Variants in PRCD observed in about 807,000 individuals in gnomAD.
PRCD encodes photoreceptor disc component, also known as photoreceptor disk component PRCD.
Under a neutral mutation model 10.1 loss-of-function variants are expected in PRCD, and 12 were observed. The ratio of observed to expected loss-of-function variants is 1.18; its 90% CI spans 0.76 to 1.92. The LOEUF (loss-of-function observed/expected upper bound fraction) is 1.92, where lower values mean the gene tolerates loss of function less well. Ranked by LOEUF, PRCD falls within the 40% of genes most tolerant of loss-of-function variation. The probability of loss-of-function intolerance (pLI) is 0.00; values close to 1 mark genes in which losing one functional copy is unlikely to be tolerated. For synonymous variants in PRCD, 31 were observed against 26.2 expected, an observed-to-expected ratio of 1.18 and a Z score of -0.56; for missense variants, 61 against 72.2, an observed-to-expected ratio of 0.84 and a Z score of 0.56.
rs951084606 is a variant in PRCD at position 76,530,101 on chromosome 17, T to C, written n.45+2268T>C. On this transcript the variant is annotated intron_variant and non_coding_transcript_variant, in intron 1 of 4. Coordinates refer to the PRCD transcript ENST00000397633. This position sits in a 1 kb window ranked among gnomAD's most constrained non-coding sequence, Gnocchi z 6.1. Reference sequence around the variant, plus strand: ...CGCCGCCTTTTCCATGGGAAACTGCTGGGAATGTTTCTCTACCACGGGAAT... The same window carrying C: ...CGCCGCCTTTTCCATGGGAAACTGCCGGGAATGTTTCTCTACCACGGGAAT... 2.0e-6 allele frequency: 2 copies of C among 983,102 alleles called. No individual in the cohort carries two copies. Among genetic ancestry groups the C allele is most frequent in the Non-Finnish European group, 2.4e-6 (2 of 827,940 alleles). 60.9% of individuals were successfully genotyped at this position (983,102 alleles called of 1,614,324 possible).
intron 1 of PRCD, chr17:76,529,673 C>A: frequency 1.0e-6 from 1 of 985,404 alleles, no homozygotes; most frequent in Non-Finnish European, 1.2e-6. Flanking sequence ...GCCCCCTCCC[C>A]TCCTCTTCCC....
rs769134763 is a variant in PRCD at position 76,540,261 on chromosome 17, G to A, written c.74+46G>A. On this transcript the variant is annotated intron_variant, in intron 1 of 4. Coordinates refer to ENST00000592014, the MANE Select transcript of PRCD (RefSeq NM_001077620.3). The surrounding 1 kb of genome is among the most constrained non-coding windows in gnomAD (Gnocchi z 5.0). ...TGGCTGGCGGTTGGTCGGGGGGGGGGGGCATGGGGCTGGGCTGCCACCAAG... is the reference window on the plus strand; with the variant it reads ...TGGCTGGCGGTTGGTCGGGGGGGGGAGGCATGGGGCTGGGCTGCCACCAAG... The A allele has an allele frequency of 3.6e-6, 3 of 826,466 alleles. No individual in the cohort carries two copies. Among genetic ancestry groups the A allele is most frequent in the Non-Finnish European group, 6.0e-6 (3 of 498,394 alleles). The allele number at this position is 826,466 out of a possible 1,614,324, so 51.2% of individuals were successfully genotyped here. A position where few individuals can be genotyped will look rare whatever the true frequency, so the allele number is the denominator to read the frequency against.
At chr17:76,534,146 T>C (rs140767669) in intron 1 of PRCD, among the ~76,000 whole-genome samples, 4,115 of 128,706 alleles carry the variant, frequency 0.032, 113 homozygotes, top group Non-Finnish European at 0.048. Context: ...CTCTTTCTCT[T>C]TCTCTCTCTC....
intron 1 of PRCD, chr17:76,529,225 G>A: frequency 1.0e-6 from 1 of 985,456 alleles, no homozygotes; most frequent in African/African-American, 1.7e-5. Context: ...GCAGCAGGGA[G>A]GCTCTGCAGG....
chr17:76,542,442 C>T, intron 2 of PRCD, 111 bp from the exon 3 acceptor site: 1 of 1,255,396 alleles, frequency 8.0e-7, no homozygotes, highest in Non-Finnish European at 1.2e-6. Flanking sequence ...GTGGTCCTGC[C>T]CCTCAATATT....
At chr17:76,547,662 C>T (rs868619063), downstream of PRCD, among the ~76,000 whole-genome samples, 292 of 133,782 alleles carry the variant, frequency 2.2e-3, 1 homozygote, top group Non-Finnish European at 3.0e-3. Context: ...CACACACACA[C>T]ATATTCACAC....
At chr17:76,547,830 AC>A (rs2075068089), downstream of PRCD, among the ~76,000 whole-genome samples, 1 of 137,710 alleles carries the variant, frequency 7.3e-6, no homozygotes, top group African/African-American at 3.3e-5. Flanking sequence ...ACACACACAC[AC>A]AACACACATT....
Position 76,528,418 on chromosome 17 carries a change from CA to C in PRCD, n.45+586del, listed in dbSNP as rs751049284. ...AGCCAGCGCCGCCTCCCAGCAGCTC[CA>C]GGGGGGGACCCTGGCCGCCACAGAG... On this transcript the variant is annotated intron_variant and non_coding_transcript_variant, in intron 1 of 4. Transcript: ENST00000397633. This position sits in a 1 kb window ranked among gnomAD's most constrained non-coding sequence, Gnocchi z 5.8. 57 of 641,040 alleles carry C rather than the reference CA, an allele frequency of 8.9e-5. No individual in the cohort carries two copies. The highest frequency in any genetic ancestry group is 9.4e-5 in the African/African-American group (5 of 53,190). 39.7% of individuals were successfully genotyped at this position (641,040 alleles called of 1,614,324 possible).
rs1029957409 is a variant in PRCD at position 76,533,777 on chromosome 17, T to C, written n.45+5944T>C. The stretch of plus-strand genomic sequence containing the variant: ...AAGGTCAGGTGTGGTGGCTCATGCC[T>C]GTAGAACTTTGGGAGGCCAAGGCAG... On this transcript the variant is annotated intron_variant and non_coding_transcript_variant, in intron 1 of 4. Coordinates refer to the PRCD transcript ENST00000397633. The surrounding 1 kb of genome is among the most constrained non-coding windows in gnomAD (Gnocchi z 4.5). 6.6e-6 allele frequency among the ~76,000 whole-genome samples: 1 copy of C among 151,604 alleles called. No individual in the cohort carries two copies. Among genetic ancestry groups the C allele is most frequent in the Non-Finnish European group, 1.5e-5 (1 of 67,902 alleles).
At chr17:76,529,544 T>G (rs1308262370) in intron 1 of PRCD, 2 of 985,180 alleles carry the variant, frequency 2.0e-6, no homozygotes, top group African/African-American at 1.8e-5. Flanking sequence ...TTCCAGTCTC[T>G]CTTGGCCCTT....
At chr17:76,532,011 C>T (rs751102157) in intron 1 of PRCD, 5 of 246,900 alleles carry the variant, frequency 2.0e-5, no homozygotes, top group Non-Finnish European at 4.0e-5. Flanking sequence ...TAGTCATAGC[C>T]GAGAGGGTAA....
Position 76,528,932 on chromosome 17 carries a change from T to C in PRCD, n.45+1099T>C, listed in dbSNP as rs1162436882. 8.8e-7 allele frequency: 1 copy of C among 1,136,934 alleles called. No individual in the cohort carries two copies. Among genetic ancestry groups the C allele is most frequent in the African/African-American group, 1.6e-5 (1 of 62,278 alleles). The allele number at this position is 1,136,934 out of a possible 1,614,324, so 70.4% of individuals were successfully genotyped here. A position where few individuals can be genotyped will look rare whatever the true frequency, so the allele number is the denominator to read the frequency against. On this transcript the variant is annotated intron_variant and non_coding_transcript_variant, in intron 1 of 4. Transcript: ENST00000397633. This position sits in a 1 kb window ranked among gnomAD's most constrained non-coding sequence, Gnocchi z 5.8. Reference sequence around the variant, plus strand: ...GCACGATACCAATGTGAGCTCTTTTTCCATTAATTCTGAAACGTGGCGCAT... The same window carrying C: ...GCACGATACCAATGTGAGCTCTTTTCCCATTAATTCTGAAACGTGGCGCAT...
At chr17:76,539,987 G>A (rs1403568100), upstream of PRCD, 27 of 750,778 alleles carry the variant, frequency 3.6e-5, no homozygotes, top group South Asian at 2.7e-4. Flanking sequence ...GGTCGGGGCC[G>A]CTGACCCACT....
upstream of PRCD, chr17:76,537,500 G>C (rs374058686): frequency 8.9e-6 from 14 of 1,578,744 alleles, no homozygotes; most frequent in Non-Finnish European, 1.2e-5. Context: ...TCCTCGCTCC[G>C]CTCCCTGCGC....
rs970525423 is a variant in PRCD, at chr17:76,530,642, A to C, written n.45+2809A>C. Among the ~76,000 whole-genome samples the C allele has an allele frequency of 6.6e-5, 10 of 152,038 alleles. No individual in the cohort carries two copies. The highest frequency in any genetic ancestry group is 2.4e-4 in the African/African-American group (10 of 41,384). ...ACCTGGGCTGCCTCCGAGCCTGATG[A>C]TCGGACCTTACCGCCAGGAGCCTCT... On this transcript the variant is annotated intron_variant and non_coding_transcript_variant, in intron 1 of 4. Coordinates refer to the PRCD transcript ENST00000397633. This position sits in a 1 kb window ranked among gnomAD's most constrained non-coding sequence, Gnocchi z 6.1.
Position 76,544,344 on chromosome 17 carries a change from T to G in PRCD, c.*694T>G, listed in dbSNP as rs1163633116. The G allele has an allele frequency of 2.2e-6, 1 of 454,674 alleles. No homozygotes were observed. The highest frequency in any genetic ancestry group is 6.9e-5 in the East Asian group (1 of 14,394). The allele number at this position is 454,674 out of a possible 1,614,324, so 28.2% of individuals were successfully genotyped here. On this transcript the variant is annotated 3_prime_UTR_variant, in exon 5 of 5. Transcript: ENST00000592014. ...GACAGCAGCACTTCAGCCGCCACTCTGCCTCTGAAGGGAAGGAAGGGAAAG... is the reference window on the plus strand; with the variant it reads ...GACAGCAGCACTTCAGCCGCCACTCGGCCTCTGAAGGGAAGGAAGGGAAAG...
In PRCD at chr17:76,531,001, G is replaced by A. The variant is rs931186524; in HGVS notation, n.45+3168G>A. 1 of 1,611,132 alleles carries A rather than the reference G, an allele frequency of 6.2e-7. No homozygotes were observed. The highest frequency in any genetic ancestry group is 8.5e-7 in the Non-Finnish European group (1 of 1,178,596). On this transcript the variant is annotated intron_variant and non_coding_transcript_variant, in intron 1 of 4. Coordinates refer to the PRCD transcript ENST00000397633. The surrounding 1 kb of genome is among the most constrained non-coding windows in gnomAD (Gnocchi z 7.4). The stretch of plus-strand genomic sequence containing the variant: ...CACGTGGTGGCGTTGGGGACCTGCT[G>A]CACCCAGCCCACTTCCTTGTAGGCA...
downstream of PRCD, among the ~76,000 whole-genome samples, chr17:76,548,075 TAC>T (rs927515120): frequency 9.3e-5 from 14 of 150,496 alleles, no homozygotes; most frequent in Admixed American, 6.6e-4. Context: ...GACATACATG[TAC>T]ACACACAAAT....
upstream of PRCD, among the ~76,000 whole-genome samples, chr17:76,536,478 C>T (rs1337415862): frequency 6.6e-6 from 1 of 152,190 alleles, no homozygotes; most frequent in African/African-American, 2.4e-5. Context: ...TCTGGGGCTC[C>T]TCTGCCTGCA....
Sources: allele counts gnomAD v4.1 joint callset (sites outside exome capture counted in the v4.1 genomes callset), GRCh38; gene constraint gnomAD v4.1.1; non-coding constraint Gnocchi (gnomAD v3.1); transcripts MANE v1.5; gene names NCBI Gene and HGNC (gene_info 2026-07-23, HGNC 2026-07-21).